RGPD2: variants seen among roughly 807,000 people sequenced by gnomAD.
RGPD2 encodes the protein RANBP2 like and GRIP domain containing 2.
Under a neutral mutation model 36.0 loss-of-function variants are expected in RGPD2, and 2 were observed. That is an observed-to-expected ratio of 0.06 (90% CI 0.02 to 0.17). The LOEUF is 0.17. Ranked by LOEUF, RGPD2 falls within the 10% of genes least tolerant of loss-of-function variation. RGPD2 has a pLI of 1.00. For missense variants in RGPD2, 40 were observed against 464.3 expected, an observed-to-expected ratio of 0.09 and a Z score of 8.40; for synonymous variants, 19 against 163.8, an observed-to-expected ratio of 0.12 and a Z score of 6.75.
chr2:87,854,655 C>T, the RGPD2 span, among the ~76,000 whole-genome samples: 1 of 152,196 alleles, frequency 6.6e-6, no homozygotes, highest in African/African-American at 2.4e-5. Context: ...AGACTGGCTT[C>T]TTTCACTTAA....
the RGPD2 span, among the ~76,000 whole-genome samples, chr2:87,905,533 T>C: frequency 6.6e-6 from 1 of 150,950 alleles, no homozygotes; most frequent in Non-Finnish European, 1.5e-5. Context: ...TACCACCAAA[T>C]GTATTCATTT....
At chr2:87,894,545 A>T in the RGPD2 span, among the ~76,000 whole-genome samples, 3 of 151,992 alleles carry the variant, frequency 2.0e-5, no homozygotes, top group Non-Finnish European at 2.9e-5. Flanking sequence ...TCTTTTTTGT[A>T]TAAGTTTATC....
chr2:87,885,286 T>C, the RGPD2 span, among the ~76,000 whole-genome samples: 34 of 152,194 alleles, frequency 2.2e-4, no homozygotes, highest in African/African-American at 7.9e-4. Context: ...AATGAAGCAT[T>C]TGACAAAACT....
the RGPD2 span, among the ~76,000 whole-genome samples, chr2:87,961,412 T>A: frequency 0.045 from 6,764 of 151,670 alleles, 456 homozygotes; most frequent in African/African-American, 0.15. Flanking sequence ...TCTGAGGGTG[T>A]CTTGCCCGCC....
the RGPD2 span, among the ~76,000 whole-genome samples, chr2:87,979,383 T>G: frequency 2.1e-5 from 2 of 93,990 alleles, no homozygotes; most frequent in East Asian, 5.6e-4. Flanking sequence ...CTATGGTATA[T>G]TCATACTACT....
the RGPD2 span, among the ~76,000 whole-genome samples, chr2:87,857,480 C>T: frequency 6.6e-6 from 1 of 151,480 alleles, no homozygotes; most frequent in Non-Finnish European, 1.5e-5. Flanking sequence ...GTAGCTGGGA[C>T]TACAGGCGCC....
the RGPD2 span, among the ~76,000 whole-genome samples, chr2:87,962,777 C>A: frequency 2.0e-5 from 3 of 151,564 alleles, no homozygotes; most frequent in Non-Finnish European, 4.4e-5. Flanking sequence ...TATGTTCATG[C>A]CTTTGCACTC....
At chr2:87,939,459 C>A in the RGPD2 span, among the ~76,000 whole-genome samples, 1 of 151,944 alleles carries the variant, frequency 6.6e-6, no homozygotes, top group Non-Finnish European at 1.5e-5. Flanking sequence ...AATGTGAACA[C>A]TATCAGGGTC....
chr2:87,974,660 G>A, the RGPD2 span, among the ~76,000 whole-genome samples: 2 of 152,126 alleles, frequency 1.3e-5, no homozygotes, highest in Admixed American at 6.5e-5. Context: ...CTCATGAATG[G>A]TGCCTGTCTA....
chr2:87,865,052 G>GT, the RGPD2 span, among the ~76,000 whole-genome samples: 1 of 150,938 alleles, frequency 6.6e-6, no homozygotes, highest in Admixed American at 6.6e-5. Context: ...CATTTATTTT[G>GT]TTTTTTCAAA....
At chr2:87,854,680 G>T in the RGPD2 span, among the ~76,000 whole-genome samples, 1 of 152,158 alleles carries the variant, frequency 6.6e-6, no homozygotes, top group Admixed American at 6.5e-5. Flanking sequence ...ATGCATTTAA[G>T]ATTGTTCCAT....
At chr2:87,916,100 C>G in the RGPD2 span, among the ~76,000 whole-genome samples, 1 of 152,130 alleles carries the variant, frequency 6.6e-6, no homozygotes, top group East Asian at 1.9e-4. Context: ...AAAAAACTGT[C>G]TCAGTTTATT....
the RGPD2 span, among the ~76,000 whole-genome samples, chr2:87,967,341 G>A: frequency 1.3e-5 from 2 of 149,778 alleles, no homozygotes; most frequent in Non-Finnish European, 2.9e-5. Context: ...CCGGGAGGTG[G>A]AGCTTGCAGT....
At chr2:87,856,669 G>A in the RGPD2 span, among the ~76,000 whole-genome samples, 1 of 151,880 alleles carries the variant, frequency 6.6e-6, no homozygotes, top group Non-Finnish European at 1.5e-5. Context: ...AGCTGCTTAT[G>A]TTGCAAGTGT....
the RGPD2 span, among the ~76,000 whole-genome samples, chr2:87,960,362 T>C: frequency 1.0e-5 from 1 of 95,710 alleles, no homozygotes; most frequent in African/African-American, 3.8e-5. Flanking sequence ...CTTCATGCAA[T>C]AATTCCAAAC....
chr2:87,825,140 C>T (rs1038515351), intron 1 of RGPD2: 2 of 391,234 alleles, frequency 5.1e-6, no homozygotes, highest in African/African-American at 4.2e-5. Flanking sequence ...ATTGCCCCCA[C>T]AATCCTAGGT....
chr2:87,825,687 C>G lies in RGPD2; in HGVS notation c.43G>C (p.Val15Leu), dbSNP rs1357382267. The part of the protein sequence containing the change: ...KAYGERYLAS[V>L]QGSAPSPGKK... ...CCAGGCGACGGGGCGGAGCCCTGCA[C>G]CGAGGCGAGGTACCGCTCCCCGTAG... Residue 15 changes from valine to leucine, a missense_variant, in exon 1 of 23, where the codon GTG becomes CTG. Coordinates refer to ENST00000398146, the MANE Select transcript of RGPD2 (RefSeq NM_001078170.3). The G allele has an allele frequency of 1.3e-6, 2 of 1,599,276 alleles. No individual in the cohort carries two copies. The highest frequency in any genetic ancestry group is 8.5e-7 in the Non-Finnish European group (1 of 1,173,954).
chr2:87,837,296 T>A, the RGPD2 span, among the ~76,000 whole-genome samples: 32 of 151,972 alleles, frequency 2.1e-4, no homozygotes, highest in Non-Finnish European at 4.0e-4. Flanking sequence ...ACATGGCACA[T>A]ACCCTGAAAT....
intron 7 of RGPD2, among the ~76,000 whole-genome samples, chr2:87,805,774 G>A (rs1188323428): frequency 6.6e-6 from 1 of 151,916 alleles, no homozygotes; most frequent in Non-Finnish European, 1.5e-5. Context: ...GCAGGAAAAT[G>A]GTGTGAACTC....
Sources: allele counts gnomAD v4.1 joint callset (sites outside exome capture counted in the v4.1 genomes callset), GRCh38; gene constraint gnomAD v4.1.1; transcripts MANE v1.5; gene names NCBI Gene and HGNC (gene_info 2026-07-23, HGNC 2026-07-21).